The following FRMD4A variants were observed in gnomAD, a reference collection of about 807,000 sequenced individuals.
FRMD4A encodes the protein FERM domain containing 4A, also known as FERM domain-containing protein 4A.
In FRMD4A, 29 loss-of-function variants were observed where a neutral mutation model predicts 129.1. That is an observed-to-expected ratio of 0.22 (90% CI 0.17 to 0.31). The LOEUF (loss-of-function observed/expected upper bound fraction) is 0.31. FRMD4A is among the 10% of genes least tolerant of loss of function. FRMD4A has a pLI of 1.00. For synonymous variants in FRMD4A, 634 were observed against 571.6 expected, an observed-to-expected ratio of 1.11 and a Z score of -1.56; for missense variants, 1,272 against 1,375.8, an observed-to-expected ratio of 0.92 and a Z score of 1.19.
intron 3 of FRMD4A, among the ~76,000 whole-genome samples, chr10:13,851,253 T>G (rs757405119): frequency 7.2e-5 from 11 of 152,164 alleles, no homozygotes; most frequent in Non-Finnish European, 1.5e-4. Flanking sequence ...GAAAAAGAAT[T>G]GTAAAATGTA....
chr10:13,975,630 CAT>C (rs1412168141), intron 2 of FRMD4A, among the ~76,000 whole-genome samples: 1 of 150,134 alleles, frequency 6.7e-6, no homozygotes, highest in African/African-American at 2.5e-5. Context: ...TGTGTCTATC[CAT>C]GTGTGTGTGA....
rs566880857 is a variant in FRMD4A, at chr10:14,238,179, C to T, written c.45+91879G>A. Among the ~76,000 whole-genome samples, 15 of 152,350 alleles carry T rather than the reference C, an allele frequency of 9.8e-5. No individual in the cohort carries two copies. The South Asian group carries it at 3.1e-3, about 32-fold the overall frequency. ...AAGCTACAATGGGCCAGGCACTGTA[C>T]TAAGCACCTTATATGTGGGGTATCA... On this transcript the variant is annotated intron_variant, in intron 2 of 24. Coordinates refer to ENST00000357447, the MANE Select transcript of FRMD4A (RefSeq NM_018027.5).
chr10:14,153,294 C>T (rs1840432869), intron 2 of FRMD4A, among the ~76,000 whole-genome samples: 1 of 152,216 alleles, frequency 6.6e-6, no homozygotes. Flanking sequence ...CACACTTGCT[C>T]CACATGGATG....
At chr10:13,884,210 A>ACACACACT (rs2094590006) in intron 2 of FRMD4A, among the ~76,000 whole-genome samples, 2 of 80,758 alleles carry the variant, frequency 2.5e-5, no homozygotes, top group African/African-American at 4.6e-5. Flanking sequence ...ACACACACTC[A>ACACACACT]CACACACACA....
intron 2 of FRMD4A, among the ~76,000 whole-genome samples, chr10:13,987,452 T>G (rs2095585715): frequency 6.6e-6 from 1 of 152,188 alleles, no homozygotes; most frequent in Non-Finnish European, 1.5e-5. Context: ...GCCTGAATAT[T>G]AGTAACATGC....
At chr10:13,884,148 ACACACT>A (rs1174044902) in intron 2 of FRMD4A, among the ~76,000 whole-genome samples, 4 of 21,332 alleles carry the variant, frequency 1.9e-4, no homozygotes, top group Admixed American at 3.9e-4. Flanking sequence ...ACACACTCTC[ACACACT>A]CTCACACACA....
intron 2 of FRMD4A, among the ~76,000 whole-genome samples, chr10:14,134,511 A>C (rs985476711): frequency 3.3e-5 from 5 of 150,676 alleles, no homozygotes; most frequent in Non-Finnish European, 7.4e-5. Context: ...GAATTGTTGG[A>C]GGGATGGAGG....
intron 2 of FRMD4A, among the ~76,000 whole-genome samples, chr10:14,304,571 G>A (rs1564452815): frequency 6.6e-6 from 1 of 152,174 alleles, no homozygotes. Context: ...TCGAGGAGGT[G>A]CCATTTCTCT....
chr10:14,300,791 G>A (rs928394056), intron 2 of FRMD4A, among the ~76,000 whole-genome samples: 6 of 152,180 alleles, frequency 3.9e-5, no homozygotes, highest in South Asian at 2.1e-4. Context: ...ATGTTAGGTC[G>A]GAGGGGAGGT....
intron 2 of FRMD4A, among the ~76,000 whole-genome samples, chr10:13,965,843 G>A (rs570785948): frequency 6.6e-6 from 1 of 152,304 alleles, no homozygotes; most frequent in East Asian, 1.9e-4. Flanking sequence ...TTGTGAAGAA[G>A]AGATCAAAGA....
intron 2 of FRMD4A, among the ~76,000 whole-genome samples, chr10:14,127,968 T>TTCTCTCTCTCTCTCTC (rs1440627660): frequency 3.0e-5 from 1 of 33,612 alleles, no homozygotes; most frequent in African/African-American, 1.3e-4. Flanking sequence ...CTTTCTTTCT[T>TTCTCTCTCTCTCTCTC]TCTTTCTTTC....
chr10:14,035,094 A>G (rs1398384233), intron 2 of FRMD4A, among the ~76,000 whole-genome samples: 1 of 152,224 alleles, frequency 6.6e-6, no homozygotes, highest in Non-Finnish European at 1.5e-5. Flanking sequence ...GGTTGTCAGT[A>G]TCTTATATGC....
intron 2 of FRMD4A, among the ~76,000 whole-genome samples, chr10:13,923,108 G>T (rs1458022473): frequency 1.3e-5 from 2 of 152,156 alleles, no homozygotes; most frequent in Non-Finnish European, 2.9e-5. Flanking sequence ...AAACAGCATG[G>T]TGGGAAACCC....
At chr10:13,768,426 C>T (rs962129071) in intron 6 of FRMD4A, among the ~76,000 whole-genome samples, 2 of 152,066 alleles carry the variant, frequency 1.3e-5, no homozygotes, top group Non-Finnish European at 2.9e-5. Flanking sequence ...CACCATGGTC[C>T]GGAACTGCAG....
intron 2 of FRMD4A, among the ~76,000 whole-genome samples, chr10:14,125,745 A>G (rs1251516378): frequency 1.4e-5 from 2 of 139,578 alleles, no homozygotes; most frequent in East Asian, 4.9e-4. Flanking sequence ...ACACACGTGC[A>G]CACTCATGCG....
rs2095443085 is a variant in FRMD4A, at chr10:13,961,041, C to T, written c.46-102129G>A. 2.0e-5 allele frequency among the ~76,000 whole-genome samples: 3 copies of T among 152,302 alleles called. No homozygotes were observed. In the South Asian group the frequency reaches 6.2e-4, roughly 32 times the overall value. On this transcript the variant is annotated intron_variant, in intron 2 of 24. Coordinates refer to ENST00000357447, the MANE Select transcript of FRMD4A (RefSeq NM_018027.5). ...TTATCCACTGCAGAAGCTAAAGTTA[C>T]CTTAATTGATGACCCCTATAATAAA...
rs1410338255 is a variant in FRMD4A, at chr10:13,660,417, G to T, written c.1797C>A (p.Asn599Lys). The T allele has an allele frequency of 3.7e-6, 6 of 1,613,990 alleles. No homozygotes were observed. Among genetic ancestry groups the T allele is most frequent in the Non-Finnish European group, 4.2e-6 (5 of 1,179,842 alleles). The part of the protein sequence containing the change: ...EGLRQMHYHR[N>K]DYDKSPIKPK... The stretch of plus-strand genomic sequence containing the variant: ...GCTTGATGGGTGACTTGTCATAGTC[G>T]TTGCGGTGATAGTGCATCTGTCGGA... The change falls in exon 20 of 25, where the codon AAC (asparagine) becomes AAA (lysine). Residue 599 changes from asparagine (N) to lysine (K), a missense_variant. By Grantham distance (94) the Asn-to-Lys change is moderately conservative. This residue lies in a region of FRMD4A where 972 missense variants were observed against 892.3 expected (regional missense o/e 1.09). Coordinates refer to ENST00000357447, the MANE Select transcript of FRMD4A (RefSeq NM_018027.5).
At chr10:14,272,852 A>G (rs755621515) in intron 2 of FRMD4A, among the ~76,000 whole-genome samples, 21 of 152,150 alleles carry the variant, frequency 1.4e-4, no homozygotes, top group Admixed American at 6.5e-4. Flanking sequence ...TAGTATTTGA[A>G]CCAATTTGAT....
At chr10:14,179,692 C>T (rs181792574) in intron 2 of FRMD4A, among the ~76,000 whole-genome samples, 145 of 152,268 alleles carry the variant, frequency 9.5e-4, no homozygotes, top group Non-Finnish European at 2.1e-4. Context: ...AATTATATAG[C>T]GATTAACATT....
Sources: allele counts gnomAD v4.1 joint callset (sites outside exome capture counted in the v4.1 genomes callset), GRCh38; gene constraint gnomAD v4.1.1; regional missense constraint gnomAD v4.1.1; transcripts MANE v1.5; gene names NCBI Gene and HGNC (gene_info 2026-07-23, HGNC 2026-07-21).